Variants in CLSTN2 observed in about 807,000 individuals in gnomAD.
CLSTN2 encodes the protein calsyntenin 2, also known as calsyntenin-2.
CLSTN2 carries 48 observed loss-of-function variants against 101.2 expected under a neutral mutation model. The ratio of observed to expected loss-of-function variants is 0.47; its 90% CI spans 0.38 to 0.60. The LOEUF is 0.60. Among genes scored for constraint, CLSTN2 ranks in the 20% least tolerant of loss-of-function variants. The pLI, the probability that CLSTN2 is intolerant of heterozygous loss-of-function variation, is 0.00. For missense variants in CLSTN2, 1,160 were observed against 1,238.2 expected, an observed-to-expected ratio of 0.94 and a Z score of 0.95; for synonymous variants, 481 against 463.6, an observed-to-expected ratio of 1.04 and a Z score of -0.48.
intron 8 of CLSTN2, among the ~76,000 whole-genome samples, chr3:140,468,688 G>A (rs1933766859): frequency 6.6e-6 from 1 of 152,200 alleles, no homozygotes; most frequent in African/African-American, 2.4e-5. Flanking sequence ...AGCAAACCGT[G>A]GGTAGGACCT....
chr3:140,556,418 T>A (rs1935791793), intron 10 of CLSTN2, 95 bp from the exon 11 acceptor site: 2 of 1,183,862 alleles, frequency 1.7e-6, no homozygotes, highest in East Asian at 4.7e-5. Flanking sequence ...GTGTTTATGG[T>A]GACCCTTGGT....
chr3:139,964,886 C>T (rs1411750088), intron 1 of CLSTN2, among the ~76,000 whole-genome samples: 1 of 152,166 alleles, frequency 6.6e-6, no homozygotes, highest in Admixed American at 6.5e-5. Context: ...ATTACGGCTG[C>T]CTCACTTCTC....
chr3:140,352,520 G>A (rs2087619576), intron 2 of CLSTN2, among the ~76,000 whole-genome samples: 1 of 152,184 alleles, frequency 6.6e-6, no homozygotes, highest in African/African-American at 2.4e-5. Context: ...CAATTACCTT[G>A]TAAACAAGGG....
intron 2 of CLSTN2, among the ~76,000 whole-genome samples, chr3:140,302,549 T>A (rs988969369): frequency 6.6e-6 from 1 of 152,214 alleles, no homozygotes; most frequent in Non-Finnish European, 1.5e-5. Context: ...AAAAATATGG[T>A]CTTCAAAGCA....
At chr3:140,508,685 C>T (rs891543612) in intron 8 of CLSTN2, 11 of 152,170 alleles carry the variant, frequency 7.2e-5, no homozygotes, top group African/African-American at 2.7e-4. Flanking sequence ...CTGGCCTGCT[C>T]AAATATTAAA....
chr3:140,484,262 T>G (rs965692696), intron 8 of CLSTN2, among the ~76,000 whole-genome samples: 2 of 152,216 alleles, frequency 1.3e-5, no homozygotes, highest in African/African-American at 4.8e-5. Context: ...GGTTGAAAAT[T>G]CTTTTCTTTA....
chr3:140,465,207 G>C (rs753059763), intron 7 of CLSTN2, among the ~76,000 whole-genome samples: 6 of 152,164 alleles, frequency 3.9e-5, no homozygotes, highest in African/African-American at 7.2e-5. Context: ...CATCATCAAG[G>C]TAAAGTGTAT....
chr3:140,339,310 T>G (rs2087470504), intron 2 of CLSTN2, among the ~76,000 whole-genome samples: 1 of 147,720 alleles, frequency 6.8e-6, no homozygotes. Context: ...GCAGACTGAT[T>G]CTCTCTCTCT....
chr3:140,480,763 C>G (rs1054871505), intron 8 of CLSTN2, among the ~76,000 whole-genome samples: 2 of 152,152 alleles, frequency 1.3e-5, no homozygotes, highest in Non-Finnish European at 2.9e-5. Flanking sequence ...AGTGTCTGTT[C>G]ATATCCTTCA....
At chr3:140,075,712 A>G (rs2107778610) in intron 1 of CLSTN2, among the ~76,000 whole-genome samples, 1 of 152,300 alleles carries the variant, frequency 6.6e-6, no homozygotes, top group African/African-American at 2.4e-5. Flanking sequence ...TGCAGAAGGA[A>G]CGTGGTCCAG....
chr3:139,970,971 G>A (rs185082250), intron 1 of CLSTN2, among the ~76,000 whole-genome samples: 6 of 152,294 alleles, frequency 3.9e-5, no homozygotes, highest in Non-Finnish European at 8.8e-5. Flanking sequence ...AAAAACTGGG[G>A]TAGGCAACAT....
rs764442743 is a variant in CLSTN2 at position 140,404,765 on chromosome 3, T to C, written c.636T>C (p.Asn212=). The C allele has an allele frequency of 6.2e-7, 1 of 1,613,992 alleles. No homozygotes were observed. The highest frequency in any genetic ancestry group is 8.5e-7 in the Non-Finnish European group (1 of 1,179,924). ...ATGTGCCTTTTGCCATCGACAGAAA[T>C]GGTGAGTGACCTCAGAGGACCCCTG... ...TTDVPFAIDR[N]GNIRNTEKLS... The change falls in exon 4 of 17, where the codon AAT becomes AAC. Residue 212 remains asparagine, a splice_region_variant and synonymous_variant. Transcript: ENST00000458420.
intron 10 of CLSTN2, among the ~76,000 whole-genome samples, chr3:140,547,613 CTCATT>C (rs1317552198): frequency 6.6e-6 from 1 of 152,214 alleles, no homozygotes; most frequent in African/African-American, 2.4e-5. Context: ...CTCTCGTTCT[CTCATT>C]TGAGAGAAGC....
chr3:140,067,448 G>T (rs1258137824), intron 1 of CLSTN2, among the ~76,000 whole-genome samples: 1 of 152,138 alleles, frequency 6.6e-6, no homozygotes, highest in Non-Finnish European at 1.5e-5. Flanking sequence ...TAGCTCCAAG[G>T]AGGGAAACAT....
chr3:140,167,459 C>G (rs78564484), intron 1 of CLSTN2, among the ~76,000 whole-genome samples: 4,771 of 152,238 alleles, frequency 0.031, 265 homozygotes, highest in African/African-American at 0.11. Context: ...TCTTCCTCTT[C>G]TCACCTACCT....
In CLSTN2 at chr3:140,217,607, T is replaced by A. The variant is rs1267034712; in HGVS notation, c.232+41534T>A. Among the ~76,000 whole-genome samples the A allele has an allele frequency of 3.3e-5, 5 of 152,362 alleles. No individual in the cohort carries two copies. In the East Asian group the frequency reaches 9.6e-4, roughly 29 times the overall value. ...GATTACGATAGTCTCTGTACCTTTT[T>A]AAGATCTGGAGGAAATAGAAATGGT... On this transcript the variant is annotated intron_variant, in intron 2 of 16. Coordinates refer to ENST00000458420, the MANE Select transcript of CLSTN2 (RefSeq NM_022131.3).
At chr3:140,209,720 A>G (rs973632913) in intron 2 of CLSTN2, among the ~76,000 whole-genome samples, 1 of 152,080 alleles carries the variant, frequency 6.6e-6, no homozygotes, top group Non-Finnish European at 1.5e-5. Flanking sequence ...ACCCCCCTGT[A>G]CACCACTCAC....
At chr3:140,159,509 C>CA (rs1394895553) in intron 1 of CLSTN2, among the ~76,000 whole-genome samples, 3 of 151,654 alleles carry the variant, frequency 2.0e-5, no homozygotes, top group African/African-American at 7.3e-5. Flanking sequence ...ATTATAAAAA[C>CA]AAAAAACAGA....
intron 2 of CLSTN2, among the ~76,000 whole-genome samples, chr3:140,313,081 C>T (rs559345628): frequency 6.6e-6 from 1 of 152,222 alleles, no homozygotes; most frequent in African/African-American, 2.4e-5. Context: ...ATTCATGGTT[C>T]TACGTACTGG....
Sources: gnomAD v4.1 joint callset for allele counts (sites outside exome capture counted in the v4.1 genomes callset) on GRCh38, gnomAD v4.1.1 for gene constraint, MANE v1.5 for transcripts, NCBI Gene and HGNC (gene_info 2026-07-23, HGNC 2026-07-21) for gene names.